TAB2: variants seen among roughly 807,000 people sequenced by gnomAD.
TAB2 encodes TGF-beta-activated kinase 1 and MAP3K7-binding protein 2.
TAB2 carries 3 observed loss-of-function variants against 65.0 expected under a neutral mutation model. That is an observed-to-expected ratio of 0.05 (90% CI 0.02 to 0.12). TAB2 has a LOEUF of 0.12. TAB2 is among the 10% of genes least tolerant of loss of function. TAB2 has a pLI of 1.00. For synonymous variants in TAB2, 298 were observed against 285.1 expected, an observed-to-expected ratio of 1.05 and a Z score of -0.46; for missense variants, 623 against 840.3, an observed-to-expected ratio of 0.74 and a Z score of 3.20.
intron 1 of TAB2, among the ~76,000 whole-genome samples, chr6:149,286,105 A>G (rs894038722): frequency 1.4e-5 from 2 of 147,708 alleles, no homozygotes; most frequent in African/African-American, 5.0e-5. Flanking sequence ...CTACCAAAAA[A>G]GTATCTTTTT....
At chr6:149,392,043 C>A (rs1346957561) in intron 3 of TAB2, among the ~76,000 whole-genome samples, 2 of 151,362 alleles carry the variant, frequency 1.3e-5, no homozygotes, top group African/African-American at 4.9e-5. Flanking sequence ...AAGTTCTCGT[C>A]TCTCTGCTAT....
chr6:149,243,810 G>T (rs1424843830), intron 1 of TAB2: 9 of 152,360 alleles, frequency 5.9e-5, no homozygotes, highest in Non-Finnish European at 1.3e-4. Context: ...AGAAGTGATT[G>T]AAGGTTCTTC....
intron 1 of TAB2, among the ~76,000 whole-genome samples, chr6:149,277,114 C>G (rs1778490639): frequency 6.6e-6 from 1 of 152,178 alleles, no homozygotes; most frequent in Admixed American, 6.5e-5. Context: ...TCAGGCCTCC[C>G]CAGCCATGTG....
intron 3 of TAB2, among the ~76,000 whole-genome samples, chr6:149,391,139 C>T (rs1781969403): frequency 1.3e-5 from 2 of 152,180 alleles, no homozygotes; most frequent in Non-Finnish European, 2.9e-5. Context: ...TTTAGCTGGA[C>T]ATAGAATTCT....
chr6:149,402,347 A>G (rs1782457868), intron 6 of TAB2, among the ~76,000 whole-genome samples: 1 of 152,160 alleles, frequency 6.6e-6, no homozygotes, highest in Admixed American at 6.5e-5. Flanking sequence ...TATCCAAAAA[A>G]TATCCAAAAA....
chr6:149,262,730 T>A (rs2114668640), intron 1 of TAB2, among the ~76,000 whole-genome samples: 1 of 152,276 alleles, frequency 6.6e-6, no homozygotes, highest in South Asian at 2.1e-4. Context: ...GCTTGTCCCA[T>A]ATGTAAAAAT....
At chr6:149,376,498 A>C (rs1781400886) in intron 2 of TAB2, among the ~76,000 whole-genome samples, 1 of 151,986 alleles carries the variant, frequency 6.6e-6, no homozygotes, top group Non-Finnish European at 1.5e-5. Context: ...CTTAACTCTC[A>C]CCTTTATATT....
At chr6:149,338,420 A>T (rs1270896528) in intron 1 of TAB2, among the ~76,000 whole-genome samples, 1 of 152,174 alleles carries the variant, frequency 6.6e-6, no homozygotes, top group Non-Finnish European at 1.5e-5. Context: ...TACAAAATGG[A>T]TGCGATTTCA....
At chr6:149,255,426 G>A (rs752848242) in intron 1 of TAB2, 2 of 152,238 alleles carry the variant, frequency 1.3e-5, no homozygotes, top group African/African-American at 4.8e-5. Flanking sequence ...GAGTGTGTAT[G>A]TGTGTTTCTG....
chr6:149,339,816 C>A (rs1047764048), intron 1 of TAB2, among the ~76,000 whole-genome samples: 1 of 152,042 alleles, frequency 6.6e-6, no homozygotes, highest in Non-Finnish European at 1.5e-5. Flanking sequence ...CCAAGCTGGT[C>A]TCAAACTCCT....
chr6:149,371,917 T>C (rs1781240044), intron 2 of TAB2, among the ~76,000 whole-genome samples: 1 of 151,982 alleles, frequency 6.6e-6, no homozygotes, highest in Admixed American at 6.5e-5. Context: ...TGGGGAAAAA[T>C]AGTCTCCCCC....
At chr6:149,314,496 A>G (rs1779217092), upstream of TAB2, among the ~76,000 whole-genome samples, 2 of 152,140 alleles carry the variant, frequency 1.3e-5, no homozygotes. Flanking sequence ...TCTGCCTGGA[A>G]TACTCTTGCT....
intron 1 of TAB2, among the ~76,000 whole-genome samples, chr6:149,303,672 A>T (rs149653960): frequency 9.2e-5 from 14 of 152,382 alleles, no homozygotes; most frequent in African/African-American, 3.4e-4. Context: ...AAACTTTTAC[A>T]TGTATTGATT....
At chr6:149,253,765 T>C (rs1029140788) in intron 1 of TAB2, among the ~76,000 whole-genome samples, 1 of 149,486 alleles carries the variant, frequency 6.7e-6, no homozygotes, top group Non-Finnish European at 1.5e-5. Context: ...CTGCTAAAAA[T>C]ACAAAAATTA....
chr6:149,386,527 C>T (rs934916388), intron 3 of TAB2, among the ~76,000 whole-genome samples: 9 of 152,120 alleles, frequency 5.9e-5, no homozygotes, highest in Non-Finnish European at 1.0e-4. Context: ...ATTCTGGACA[C>T]GTGATATAAA....
chr6:149,326,402 C>G (rs1779619687), intron 1 of TAB2, among the ~76,000 whole-genome samples: 1 of 152,022 alleles, frequency 6.6e-6, no homozygotes, highest in Non-Finnish European at 1.5e-5. Flanking sequence ...TTTAATCTTA[C>G]ACGTGTGCAG....
intron 1 of TAB2, among the ~76,000 whole-genome samples, chr6:149,358,573 T>C (rs1780744142): frequency 6.6e-6 from 1 of 151,632 alleles, no homozygotes; most frequent in Non-Finnish European, 1.5e-5. Context: ...TATTTGTCTT[T>C]GGTACTCTGC....
chr6:149,324,826 CTTTTTTT>C (rs35922173), intron 1 of TAB2, among the ~76,000 whole-genome samples: 1 of 132,818 alleles, frequency 7.5e-6, no homozygotes, highest in Admixed American at 7.6e-5. Flanking sequence ...GAAAATATTA[CTTTTTTT>C]TTTTTTTTTT....
rs139699551 is a variant in TAB2 at position 149,291,835 on chromosome 6, T to C, written c.-121+73059T>C. The stretch of plus-strand genomic sequence containing the variant: ...AAGATCATACCACTGCACTCCAGCC[T>C]GGGTGACAGAGTGTGACCCTGTCTC... On this transcript the variant is annotated intron_variant, in intron 1 of 1. Coordinates refer to the TAB2 transcript ENST00000606202. Among the ~76,000 whole-genome samples the C allele has an allele frequency of 3.8e-3, 577 of 152,282 alleles. 1 individual carries two copies. The highest frequency in any genetic ancestry group is 0.013 in the African/African-American group (557 of 41,576).
Sources: allele counts gnomAD v4.1 joint callset (sites outside exome capture counted in the v4.1 genomes callset), GRCh38; gene constraint gnomAD v4.1.1; transcripts MANE v1.5; gene names NCBI Gene and HGNC (gene_info 2026-07-23, HGNC 2026-07-21).